The following PLA2G4E variants were observed in gnomAD, a reference collection of about 807,000 sequenced individuals.
PLA2G4E encodes phospholipase A2 group IVE, also known as cytosolic phospholipase A2 epsilon.
PLA2G4E carries 84 observed loss-of-function variants against 109.1 expected under a neutral mutation model. That is an observed-to-expected ratio of 0.77 (90% confidence interval 0.65 to 0.92). The LOEUF (loss-of-function observed/expected upper bound fraction) is 0.92, where lower values mean the gene tolerates loss of function less well. PLA2G4E is among the 40% of genes least tolerant of loss of function. The pLI is 0.00. For synonymous variants in PLA2G4E, 469 were observed against 436.1 expected, an observed-to-expected ratio of 1.08 and a Z score of -0.94; for missense variants, 1,057 against 1,076.6, an observed-to-expected ratio of 0.98 and a Z score of 0.25.
chr15:42,031,783 A>G (rs1224908215), intron 1 of PLA2G4E, among the ~76,000 whole-genome samples: 1 of 152,174 alleles, frequency 6.6e-6, no homozygotes, highest in Non-Finnish European at 1.5e-5. Flanking sequence ...TAGCAAGTTC[A>G]GCCCTGCAGT....
intron 13 of PLA2G4E, among the ~76,000 whole-genome samples, chr15:41,991,690 G>A (rs529670930): frequency 6.6e-6 from 1 of 152,322 alleles, no homozygotes; most frequent in East Asian, 1.9e-4. Flanking sequence ...ATTCTCAGGT[G>A]CTCAAACTGT....
At chr15:42,047,108 G>C (rs185272154) in intron 1 of PLA2G4E, among the ~76,000 whole-genome samples, 1 of 152,162 alleles carries the variant, frequency 6.6e-6, no homozygotes, top group South Asian at 2.1e-4. Context: ...TCTGAGACTG[G>C]GTAATTTATA....
At chr15:41,989,996 A>C in intron 14 of PLA2G4E, 125 bp downstream of exon 14, 1 of 769,382 alleles carries the variant, frequency 1.3e-6, no homozygotes, top group Admixed American at 2.1e-5. Flanking sequence ...AGCTGTGTGC[A>C]CAGTCTGGAT....
intron 1 of PLA2G4E, among the ~76,000 whole-genome samples, chr15:42,044,523 AT>A (rs544580548): frequency 1.2e-3 from 188 of 151,872 alleles, no homozygotes; most frequent in Non-Finnish European, 1.7e-3. Context: ...ACCGAAGGGT[AT>A]TAAGCAAGGA....
At chr15:41,995,252 G>A (rs941813955) in intron 12 of PLA2G4E, 108 bp downstream of exon 12, 37 of 1,413,102 alleles carry the variant, frequency 2.6e-5, no homozygotes, top group Middle Eastern at 4.6e-4. Context: ...CCAGGCTTCA[G>A]GAGTCACTTT....
At chr15:41,982,139 T>G (rs1259226062) in exon 20 of PLA2G4E, 1 of 152,210 alleles carries the variant, frequency 6.6e-6, no homozygotes, top group African/African-American at 2.4e-5. Flanking sequence ...CACCACTGGT[T>G]TCCTCACAAC....
In PLA2G4E at chr15:41,987,394, T is replaced by A. The variant is rs1028410766; in HGVS notation, c.1832-19A>T. ...TCGTCTTCTGCAGGGGAGGGAGGGA[T>A]GAAGGGCAGGTCATGAGAGGTGGAG... On this transcript the variant is annotated intron_variant, in intron 16 of 19. Transcript: ENST00000399518. The A allele has an allele frequency of 1.9e-5, 31 of 1,605,640 alleles. No homozygotes were observed. Among genetic ancestry groups the A allele is most frequent in the Non-Finnish European group, 2.6e-5 (30 of 1,173,902 alleles).
chr15:42,004,490 CCAGAGTTGGCTG>C lies in PLA2G4E; in HGVS notation c.566+436_566+447del, dbSNP rs1450777404. Among the ~76,000 whole-genome samples, 2 of 151,972 alleles carry C rather than the reference CCAGAGTTGGCTG, an allele frequency of 1.3e-5. 1 individual carries two copies. On this transcript the variant is annotated intron_variant, in intron 5 of 19. Coordinates refer to ENST00000399518, the Ensembl canonical transcript of PLA2G4E. ...GCCTGAGCCTCCCATTGACGTGGTT[CCAGAGTTGGCTG>C]CAGAGTTGGCTGCTTGCGGCCAGGG...
intron 6 of PLA2G4E, among the ~76,000 whole-genome samples, chr15:42,001,825 G>A (rs2068422977): frequency 6.6e-6 from 1 of 152,120 alleles, no homozygotes; most frequent in African/African-American, 2.4e-5. Flanking sequence ...CTGAGTAGCT[G>A]GGACTACAGA....
chr15:42,017,843 A>G (rs2068611119), intron 1 of PLA2G4E, among the ~76,000 whole-genome samples: 1 of 152,172 alleles, frequency 6.6e-6, no homozygotes, highest in Non-Finnish European at 1.5e-5. Context: ...CTTTTTAAAC[A>G]TCTAGAGCAC....
At chr15:42,007,779 T>C in exon 3 of PLA2G4E, 1 of 1,612,582 alleles carries the variant, frequency 6.2e-7, no homozygotes, top group South Asian at 1.1e-5. Context: ...CACTCTGGAT[T>C]TGGGCAGTTG....
At chr15:42,003,178 C>T (rs763916684) in intron 5 of PLA2G4E, among the ~76,000 whole-genome samples, 40 of 152,196 alleles carry the variant, frequency 2.6e-4, no homozygotes, top group African/African-American at 9.4e-4. Context: ...AGAACATAAG[C>T]CTCCAAGGTT....
intron 1 of PLA2G4E, among the ~76,000 whole-genome samples, chr15:42,027,085 T>C (rs1023771041): frequency 9.9e-5 from 15 of 151,686 alleles, no homozygotes. Context: ...GAAGCATGAA[T>C]GGGGAGTGAA....
chr15:42,007,602 T>C, intron 3 of PLA2G4E, 127 bp downstream of exon 3: 2 of 1,215,854 alleles, frequency 1.6e-6, no homozygotes, highest in Non-Finnish European at 2.3e-6. Context: ...GACAGGTTTG[T>C]AGGACAAGAA....
At chr15:42,019,583 AC>A (rs2068628684) in intron 1 of PLA2G4E, among the ~76,000 whole-genome samples, 1 of 152,118 alleles carries the variant, frequency 6.6e-6, no homozygotes, top group Admixed American at 6.5e-5. Flanking sequence ...AGCTGGGTGT[AC>A]CCTTCAGTTC....
At chr15:41,986,091 T>C (rs1375855869) in intron 17 of PLA2G4E, 86 bp from the exon 18 acceptor site, 7 of 1,412,480 alleles carry the variant, frequency 5.0e-6, no homozygotes, top group East Asian at 2.5e-5. Context: ...GAGCGCCCTG[T>C]CTGGAGCATC....
chr15:41,986,123 A>G, intron 17 of PLA2G4E, 118 bp from the exon 18 acceptor site: 1 of 1,058,104 alleles, frequency 9.5e-7, no homozygotes, highest in Non-Finnish European at 1.4e-6. Flanking sequence ...CCTGACCAGG[A>G]CGCCCACTGA....
chr15:41,987,921 A>C, intron 16 of PLA2G4E, 128 bp downstream of exon 16: 2 of 556,790 alleles, frequency 3.6e-6, no homozygotes, highest in South Asian at 2.1e-5. Context: ...GCCATGAGGG[A>C]AAGCCGGGGG....
At chr15:42,013,719 G>A (rs1218080406) in exon 2 of PLA2G4E, 111 of 1,550,526 alleles carry the variant, frequency 7.2e-5, no homozygotes, top group Non-Finnish European at 8.9e-5. Context: ...TCATCCGGAT[G>A]ACCCTCACTG....
Sources: allele counts gnomAD v4.1 joint callset (sites outside exome capture counted in the v4.1 genomes callset), GRCh38; gene constraint gnomAD v4.1.1; transcripts MANE v1.5; gene names NCBI Gene and HGNC (gene_info 2026-07-23, HGNC 2026-07-21).